CTPS1: variants seen among roughly 807,000 people sequenced by gnomAD.
CTPS1 encodes the protein CTP synthetase 1.
CTPS1 carries 25 observed loss-of-function variants against 80.5 expected under a neutral mutation model. That is an observed-to-expected ratio of 0.31 (90% CI 0.23 to 0.43). The LOEUF (loss-of-function observed/expected upper bound fraction) is 0.43. Ranked by LOEUF, CTPS1 falls within the 20% of genes least tolerant of loss-of-function variation. The pLI is 1.00. For synonymous variants in CTPS1, 267 were observed against 252.5 expected (o/e 1.06, Z -0.54); for missense variants, 442 against 725.7 (o/e 0.61, Z 4.49).
At position 40,988,574 on chromosome 1, in the gene CTPS1, A is replaced by C. The variant is rs749619541; in HGVS notation, c.439-20A>C. On this transcript the variant is annotated intron_variant, in intron 4 of 18. Coordinates refer to ENST00000650070, the MANE Select transcript of CTPS1 (RefSeq NM_001905.4). The stretch of plus-strand genomic sequence containing the variant: ...AGAAGGGTTTAGTGCCTAACCTCTG[A>C]AACAACTTTGTTCTTCTAGCTTGGT... 2 of 1,584,200 alleles carry C rather than the reference A, an allele frequency of 1.3e-6. No homozygotes were observed. Among genetic ancestry groups the C allele is most frequent in the South Asian group, 1.1e-5 (1 of 90,220 alleles).
At chr1:40,985,119 G>T in intron 3 of CTPS1, 128 bp downstream of exon 3, 1 of 560,280 alleles carries the variant, frequency 1.8e-6, no homozygotes, top group Non-Finnish European at 2.7e-6. Flanking sequence ...ATTTCAGCAT[G>T]AAACTCTCAA....
intron 7 of CTPS1, among the ~76,000 whole-genome samples, chr1:40,992,700 T>A (rs1466850170): frequency 6.6e-6 from 1 of 151,050 alleles, no homozygotes; most frequent in Non-Finnish European, 1.5e-5. Context: ...TTTTTTTTTT[T>A]TTTTAATTGA....
At chr1:41,005,859 G>A (rs917677579) in intron 12 of CTPS1, among the ~76,000 whole-genome samples, 192 bp from the exon 13 acceptor site, 3 of 151,834 alleles carry the variant, frequency 2.0e-5, no homozygotes, top group Admixed American at 6.6e-5. Context: ...AGCTATGATC[G>A]CACCACTGCA....
intron 8 of CTPS1, 120 bp from the exon 9 acceptor site, chr1:40,997,274 T>G: frequency 8.2e-7 from 1 of 1,213,770 alleles, no homozygotes. Flanking sequence ...GATTATAGGA[T>G]TATGGGCGTG....
At chr1:40,985,055 C>A in intron 3 of CTPS1, 64 bp downstream of exon 3, 10 of 1,181,154 alleles carry the variant, frequency 8.5e-6, no homozygotes, top group Non-Finnish European at 1.1e-5. Flanking sequence ...CTCCCTCCCA[C>A]CTCTACACAG....
intron 7 of CTPS1, among the ~76,000 whole-genome samples, chr1:40,993,773 T>TG (rs1286729560): frequency 1.1e-4 from 13 of 121,710 alleles, no homozygotes; most frequent in Non-Finnish European, 2.2e-4. Flanking sequence ...TTTTCTTCTC[T>TG]CTTTTTTTTT....
intron 4 of CTPS1, among the ~76,000 whole-genome samples, chr1:40,987,881 A>G (rs1357640823): frequency 6.6e-6 from 1 of 152,188 alleles, no homozygotes; most frequent in East Asian, 1.9e-4. Context: ...CTCAGATAAC[A>G]GGAGACTCAA....
chr1:40,990,592 C>A (rs561211316), intron 5 of CTPS1, among the ~76,000 whole-genome samples: 3 of 151,658 alleles, frequency 2.0e-5, no homozygotes, highest in Non-Finnish European at 4.4e-5. Flanking sequence ...TGAGACCAGC[C>A]TGGGCAATGT....
At chr1:40,991,304 C>A in intron 6 of CTPS1, 56 bp downstream of exon 6, 1 of 1,329,734 alleles carries the variant, frequency 7.5e-7, no homozygotes, top group Non-Finnish European at 1.0e-6. Flanking sequence ...GTTAAGATCA[C>A]TCTATCATGA....
chr1:40,986,569 ATTC>A (rs759352571), intron 3 of CTPS1, among the ~76,000 whole-genome samples: 1 of 152,232 alleles, frequency 6.6e-6, no homozygotes, highest in Non-Finnish European at 1.5e-5. Flanking sequence ...GATAATGAAT[ATTC>A]TTCTGCGTGA....
rs1371044305 is a variant in CTPS1, at chr1:40,988,819, G to A, written c.555+109G>A. 4.2e-6 allele frequency: 3 copies of A among 713,596 alleles called. No individual in the cohort carries two copies. In the East Asian group the frequency reaches 7.5e-5, roughly 18 times the overall value. 44.2% of individuals were successfully genotyped at this position (713,596 alleles called of 1,614,324 possible). A position where few individuals can be genotyped will look rare whatever the true frequency, so the allele number is the denominator to read the frequency against. On this transcript the variant is annotated intron_variant, in intron 5 of 18. Coordinates refer to ENST00000650070, the MANE Select transcript of CTPS1 (RefSeq NM_001905.4). ...CTAGTAGTTTTCACTTGAGGTGCAG[G>A]AAGCAGAGAATAAAGAACTTTGTAA... is the stretch of plus-strand genomic sequence containing the variant.
Position 40,988,724 on chromosome 1 carries a change from T to C in CTPS1, c.555+14T>C. ...CTAGTTCCCCAGGTAAGTAAGACATTGAAAGTTTTACTTTGGGGGAGATGG... is the reference window on the plus strand; with the variant it reads ...CTAGTTCCCCAGGTAAGTAAGACATCGAAAGTTTTACTTTGGGGGAGATGG... On this transcript the variant is annotated intron_variant, in intron 5 of 18. Coordinates refer to ENST00000650070, the MANE Select transcript of CTPS1 (RefSeq NM_001905.4). The C allele has an allele frequency of 6.4e-7, 1 of 1,564,914 alleles. No homozygotes were observed. Among genetic ancestry groups the C allele is most frequent in the Non-Finnish European group, 8.8e-7 (1 of 1,135,870 alleles).
intron 5 of CTPS1, among the ~76,000 whole-genome samples, chr1:40,989,551 A>T (rs1642548397): frequency 6.6e-6 from 1 of 152,128 alleles, no homozygotes; most frequent in Admixed American, 6.6e-5. Context: ...TCACCATGAC[A>T]AGCCTACACA....
chr1:41,005,717 GC>G (rs1418067040), intron 12 of CTPS1, among the ~76,000 whole-genome samples: 3 of 152,092 alleles, frequency 2.0e-5, no homozygotes, highest in South Asian at 4.2e-4. Context: ...GACTAGCCTG[GC>G]AATATAGCCT....
intron 5 of CTPS1, among the ~76,000 whole-genome samples, chr1:40,989,087 G>A (rs928243509): frequency 1.3e-5 from 2 of 152,170 alleles, no homozygotes; most frequent in African/African-American, 4.8e-5. Flanking sequence ...CTTGAGTGCC[G>A]GATCTTAAGC....
chr1:41,003,254 G>C, intron 12 of CTPS1, 78 bp downstream of exon 12: 2 of 1,516,036 alleles, frequency 1.3e-6, no homozygotes, highest in Non-Finnish European at 9.2e-7. Context: ...CCGCCTGGGT[G>C]ATCAGGAGCT....
intron 3 of CTPS1, among the ~76,000 whole-genome samples, chr1:40,985,461 G>A (rs1205029643): frequency 6.6e-6 from 1 of 152,236 alleles, no homozygotes; most frequent in Non-Finnish European, 1.5e-5. Flanking sequence ...TGAGAAGTGG[G>A]TTTCTGGGTC....
Position 41,007,640 on chromosome 1 carries a change from T to C in CTPS1, c.1393+95T>C, listed in dbSNP as rs1446953757. On this transcript the variant is annotated intron_variant, in intron 14 of 18. Coordinates refer to ENST00000650070, the MANE Select transcript of CTPS1 (RefSeq NM_001905.4). This position sits in a 1 kb window ranked among gnomAD's most constrained non-coding sequence, Gnocchi z 4.4. ...TGTGGCTTCGAGGAGCAGGCTGGCTTTTTTTGGTTTCGTTCTTGCTTTTGA... is the reference window on the plus strand; with the variant it reads ...TGTGGCTTCGAGGAGCAGGCTGGCTCTTTTTGGTTTCGTTCTTGCTTTTGA... 3.9e-6 allele frequency: 4 copies of C among 1,024,670 alleles called. No homozygotes were observed. The highest frequency in any genetic ancestry group is 5.9e-6 in the Non-Finnish European group (4 of 674,894). The allele number at this position is 1,024,670 out of a possible 1,614,324, so 63.5% of individuals were successfully genotyped here.
At chr1:40,995,503 C>T (rs1008540256) in intron 7 of CTPS1, among the ~76,000 whole-genome samples, 9 of 151,890 alleles carry the variant, frequency 5.9e-5, no homozygotes, top group Non-Finnish European at 7.4e-5. Flanking sequence ...AAGTGATTCT[C>T]CCACCTCAGC....
Sources: allele counts gnomAD v4.1 joint callset (sites outside exome capture counted in the v4.1 genomes callset), GRCh38; gene constraint gnomAD v4.1.1; non-coding constraint Gnocchi (gnomAD v3.1); transcripts MANE v1.5; gene names NCBI Gene and HGNC (gene_info 2026-07-23, HGNC 2026-07-21).